The following WWTR1 variants were observed in gnomAD, a reference collection of about 807,000 sequenced individuals.
WWTR1 encodes WW domain-containing transcription regulator protein 1.
WWTR1 carries 13 observed loss-of-function variants against 40.1 expected under a neutral mutation model. The ratio of observed to expected loss-of-function variants is 0.32; its 90% CI spans 0.21 to 0.52. The LOEUF (loss-of-function observed/expected upper bound fraction) is 0.52, where lower values mean the gene tolerates loss of function less well. WWTR1 is among the 20% of genes least tolerant of loss of function. The probability of loss-of-function intolerance (pLI) is 0.97; values close to 1 mark genes in which losing one functional copy is unlikely to be tolerated. For synonymous variants in WWTR1, 230 were observed against 210.1 expected, an observed-to-expected ratio of 1.09 and a Z score of -0.82; for missense variants, 436 against 523.1, an observed-to-expected ratio of 0.83 and a Z score of 1.63.
chr3:149,596,550 A>G (rs572964448), intron 2 of WWTR1, among the ~76,000 whole-genome samples: 319 of 152,302 alleles, frequency 2.1e-3, no homozygotes, highest in African/African-American at 7.3e-3. Context: ...TGAATACACA[A>G]GGCAACAGCC....
In WWTR1 at chr3:149,688,153, G is replaced by C. The variant is rs1714710192; in HGVS notation, c.-108+14971C>G. ...TAGATTCCTAAAGTTCCCAATTCCA[G>C]GTCCTAGCTTCCAGACAGCATATCT... On this transcript the variant is annotated intron_variant, in intron 1 of 7. Transcript: ENST00000465804. Among the ~76,000 whole-genome samples, 3 of 151,996 alleles carry C rather than the reference G, an allele frequency of 2.0e-5. 1 individual carries two copies. Among genetic ancestry groups the C allele is most frequent in the Admixed American group, 1.3e-4 (2 of 15,262 alleles).
intron 2 of WWTR1, among the ~76,000 whole-genome samples, chr3:149,668,107 A>T (rs906333801): frequency 1.3e-5 from 2 of 152,200 alleles, no homozygotes; most frequent in African/African-American, 4.8e-5. Flanking sequence ...CTATAAAAAT[A>T]ATACTGGTTA....
At chr3:149,526,278 C>T (rs538904504) in intron 5 of WWTR1, among the ~76,000 whole-genome samples, 153 bp from the exon 6 acceptor site, 2 of 152,294 alleles carry the variant, frequency 1.3e-5, no homozygotes, top group African/African-American at 2.4e-5. Context: ...TTTTGAAATA[C>T]ATACCCTCAT....
intron 2 of WWTR1, among the ~76,000 whole-genome samples, chr3:149,616,519 C>T (rs1198646394): frequency 1.3e-5 from 2 of 151,692 alleles, no homozygotes; most frequent in South Asian, 2.1e-4. Flanking sequence ...CTCGGCTCAC[C>T]GCAACCTCTG....
At chr3:149,562,053 T>C (rs1355928308) in intron 3 of WWTR1, among the ~76,000 whole-genome samples, 3 of 152,122 alleles carry the variant, frequency 2.0e-5, no homozygotes, top group African/African-American at 2.4e-5. Context: ...CCCAACACTT[T>C]GGGGGCCGAG....
chr3:149,569,115 T>C (rs1435974126), intron 3 of WWTR1, among the ~76,000 whole-genome samples: 1 of 152,192 alleles, frequency 6.6e-6, no homozygotes, highest in Non-Finnish European at 1.5e-5. Flanking sequence ...AAGTTTCTCC[T>C]GGGAGAGGTA....
At chr3:149,587,186 G>T (rs74697862) in intron 2 of WWTR1, among the ~76,000 whole-genome samples, 2,494 of 152,248 alleles carry the variant, frequency 0.016, 68 homozygotes, top group African/African-American at 0.057. Flanking sequence ...TAGCCTGTGA[G>T]ATCTGATACT....
intron 2 of WWTR1, among the ~76,000 whole-genome samples, chr3:149,632,741 G>A (rs1711605057): frequency 6.6e-6 from 1 of 152,230 alleles, no homozygotes; most frequent in Admixed American, 6.5e-5. Context: ...AAGTTCTGAT[G>A]TATGCTACAA....
chr3:149,529,818 A>T (rs1202965430), intron 4 of WWTR1, among the ~76,000 whole-genome samples: 7 of 152,198 alleles, frequency 4.6e-5, no homozygotes, highest in Admixed American at 2.6e-4. Context: ...CCACAGTTTG[A>T]AAAAATGTAT....
chr3:149,595,926 G>A (rs1325864468), intron 2 of WWTR1, among the ~76,000 whole-genome samples: 4 of 151,918 alleles, frequency 2.6e-5, no homozygotes, highest in African/African-American at 4.8e-5. Context: ...CCAGCTACTC[G>A]GGAGGCTGAG....
At position 149,524,300 on chromosome 3, in the gene WWTR1, ATAGAG is replaced by A. The variant is rs1467512879; in HGVS notation, c.1018+1708_1018+1712del. 1.2e-4 allele frequency among the ~76,000 whole-genome samples: 18 copies of A among 150,658 alleles called. No homozygotes were observed. The Admixed American group carries it at 1.2e-3, about 10-fold the overall frequency. On this transcript the variant is annotated intron_variant, in intron 6 of 6. Coordinates refer to ENST00000360632, the MANE Select transcript of WWTR1 (RefSeq NM_015472.6). Reference sequence around the variant, plus strand: ...CCACTTGAGGTTATTTTAAAGAGACATAGAGTAGAATCCATCCTCTTTTATGGTTT... The same window carrying A: ...CCACTTGAGGTTATTTTAAAGAGACATAGAATCCATCCTCTTTTATGGTTT...
At chr3:149,708,421 C>T (rs898469740) in intron 5 of WWTR1, among the ~76,000 whole-genome samples, 2 of 152,140 alleles carry the variant, frequency 1.3e-5, no homozygotes, top group Non-Finnish European at 2.9e-5. Flanking sequence ...GATCTCTTTT[C>T]ATCTTGCAAA....
chr3:149,569,156 C>A (rs1355989185), intron 3 of WWTR1, among the ~76,000 whole-genome samples: 1 of 152,176 alleles, frequency 6.6e-6, no homozygotes, highest in South Asian at 2.1e-4. Flanking sequence ...GGGCACTATC[C>A]TCACTGAAGG....
At chr3:149,671,790 T>C (rs1714097019) in intron 1 of WWTR1, among the ~76,000 whole-genome samples, 1 of 152,188 alleles carries the variant, frequency 6.6e-6, no homozygotes, top group Non-Finnish European at 1.5e-5. Context: ...TTATTATGCT[T>C]AAAGGTCTTA....
intron 4 of WWTR1, chr3:149,540,374 C>G: frequency 2.3e-6 from 1 of 427,868 alleles, no homozygotes; most frequent in South Asian, 1.7e-5. Flanking sequence ...TTTTCCCACC[C>G]CTTTTCAGAA....
At chr3:149,617,222 C>T (rs1242998247) in intron 2 of WWTR1, among the ~76,000 whole-genome samples, 1 of 152,166 alleles carries the variant, frequency 6.6e-6, no homozygotes, top group African/African-American at 2.4e-5. Context: ...CTCCTGGGGA[C>T]CATGATGAGC....
intron 3 of WWTR1, among the ~76,000 whole-genome samples, chr3:149,553,955 C>T (rs1261624763): frequency 1.3e-5 from 2 of 152,142 alleles, no homozygotes; most frequent in Non-Finnish European, 2.9e-5. Context: ...GGGCTGCAGA[C>T]GCGTCTCTCG....
At chr3:149,524,749 A>C (rs1162029075) in intron 6 of WWTR1, among the ~76,000 whole-genome samples, 1 of 152,210 alleles carries the variant, frequency 6.6e-6, no homozygotes, top group Non-Finnish European at 1.5e-5. Context: ...TGATCTTTCC[A>C]ACAATTTAGA....
intron 3 of WWTR1, among the ~76,000 whole-genome samples, chr3:149,556,177 G>A (rs1030401480): frequency 6.7e-6 from 1 of 148,504 alleles, no homozygotes; most frequent in East Asian, 1.9e-4. Flanking sequence ...CCTTCCAGCT[G>A]ACTGCCTGGA....
Sources: gnomAD v4.1 joint callset for allele counts (sites outside exome capture counted in the v4.1 genomes callset) on GRCh38, gnomAD v4.1.1 for gene constraint, MANE v1.5 for transcripts, NCBI Gene and HGNC (gene_info 2026-07-23, HGNC 2026-07-21) for gene names.